Variants in CAB39 observed in about 807,000 individuals in gnomAD.
The protein encoded by CAB39 is calcium-binding protein 39.
CAB39 carries 8 observed loss-of-function variants against 40.0 expected under a neutral mutation model. The observed-to-expected ratio is 0.20, with a 90% CI of 0.12 to 0.36. The LOEUF (loss-of-function observed/expected upper bound fraction) is 0.36. Ranked by LOEUF, CAB39 falls within the 10% of genes least tolerant of loss-of-function variation. The probability of loss-of-function intolerance (pLI) is 1.00; values close to 1 mark genes in which losing one functional copy is unlikely to be tolerated. For missense variants in CAB39, 270 were observed against 401.1 expected (o/e 0.67, Z 2.79); for synonymous variants, 156 against 141.6 (o/e 1.10, Z -0.72).
At chr2:230,759,722 T>C (rs1695256381) in intron 1 of CAB39, among the ~76,000 whole-genome samples, 1 of 152,144 alleles carries the variant, frequency 6.6e-6, no homozygotes, top group Non-Finnish European at 1.5e-5. Flanking sequence ...AGGAGAGCAA[T>C]TGATTTGAAG....
chr2:230,792,216 T>A (rs1422121437), intron 3 of CAB39, among the ~76,000 whole-genome samples: 11 of 152,200 alleles, frequency 7.2e-5, no homozygotes, highest in Non-Finnish European at 1.5e-4. Flanking sequence ...CAGCAACAAT[T>A]TGTATTTCCT....
In CAB39 at chr2:230,782,809, C is replaced by CTTTTTTTTTT. The variant is rs1408052300; in HGVS notation, c.115-8060_115-8059insTTTTTTTTTT. On this transcript the variant is annotated intron_variant, in intron 2 of 8. Transcript: ENST00000258418. ...CTGCTGTTTCTTTCTTTCTTTCTTT[C>CTTTTTTTTTT]TTTCTTTTTTTTTTTTTTTTTTTGA... Among the ~76,000 whole-genome samples, 928 of 112,044 alleles carry CTTTTTTTTTT rather than the reference C, an allele frequency of 8.3e-3. 32 individuals are homozygous for CTTTTTTTTTT. The highest frequency in any genetic ancestry group is 0.012 in the Non-Finnish European group (692 of 57,886). The allele number at this position is 112,044 out of a possible 152,430, so 73.5% of individuals were successfully genotyped here. A position where few individuals can be genotyped will look rare whatever the true frequency, so the allele number is the denominator to read the frequency against.
chr2:230,773,070 A>G (rs1695516279), intron 2 of CAB39, among the ~76,000 whole-genome samples: 1 of 152,080 alleles, frequency 6.6e-6, no homozygotes, highest in African/African-American at 2.4e-5. Context: ...AAGCCAGACT[A>G]TAAAGAGCAC....
chr2:230,817,471 T>C (rs1330949981), intron 7 of CAB39, among the ~76,000 whole-genome samples: 2 of 152,140 alleles, frequency 1.3e-5, no homozygotes, highest in Non-Finnish European at 2.9e-5. Flanking sequence ...AGGGGAGGCT[T>C]TGAGAGTCTC....
rs780927020 is a variant in CAB39 at position 230,771,316 on chromosome 2, G to GA, written c.114+11208dup. Among the ~76,000 whole-genome samples, 13 of 151,040 alleles carry GA rather than the reference G, an allele frequency of 8.6e-5. No individual in the cohort carries two copies. In the East Asian group the frequency reaches 1.9e-3, roughly 23 times the overall value. ...TAGGTGTAATTGGGAAAAAAGAATG[G>GA]AAAAAAAGAAAAAGAAAAAAACTAG... On this transcript the variant is annotated intron_variant, in intron 2 of 8. Coordinates refer to ENST00000258418, the MANE Select transcript of CAB39 (RefSeq NM_016289.4).
intron 1 of CAB39, among the ~76,000 whole-genome samples, chr2:230,728,358 A>C (rs1338392944): frequency 1.3e-5 from 2 of 152,046 alleles, no homozygotes; most frequent in African/African-American, 4.8e-5. Flanking sequence ...CTATATTCCA[A>C]ATTTATCTTT....
At chr2:230,726,242 A>G (rs948660354) in intron 1 of CAB39, among the ~76,000 whole-genome samples, 1 of 151,964 alleles carries the variant, frequency 6.6e-6, no homozygotes, top group Admixed American at 6.6e-5. Flanking sequence ...GGCTCACTGC[A>G]ACCTCTGCCT....
intron 2 of CAB39, among the ~76,000 whole-genome samples, chr2:230,773,278 A>G (rs931761398): frequency 7.6e-5 from 11 of 144,376 alleles, no homozygotes; most frequent in African/African-American, 1.1e-4. Flanking sequence ...CACTATCTTG[A>G]TGGTTTCATG....
chr2:230,814,518 C>T (rs903745417), intron 7 of CAB39, among the ~76,000 whole-genome samples: 20 of 152,080 alleles, frequency 1.3e-4, no homozygotes, highest in African/African-American at 4.3e-4. Flanking sequence ...CGTAGACAGG[C>T]TTGGCTGCTT....
At chr2:230,720,268 T>C (rs1015460654) in intron 1 of CAB39, among the ~76,000 whole-genome samples, 2 of 152,210 alleles carry the variant, frequency 1.3e-5, no homozygotes, top group African/African-American at 4.8e-5. Flanking sequence ...ATGCTTTGGC[T>C]GTGGTTGGTA....
chr2:230,761,466 T>A (rs926822132), intron 2 of CAB39, among the ~76,000 whole-genome samples: 1 of 152,210 alleles, frequency 6.6e-6, no homozygotes, highest in Admixed American at 6.5e-5. Context: ...TCAGGGTAAC[T>A]AAGCAGCATA....
chr2:230,725,187 G>GC (rs1167807941), intron 1 of CAB39: 1 of 1,610,458 alleles, frequency 6.2e-7, no homozygotes. Flanking sequence ...TCCCGGGACT[G>GC]CTTGGCGCTG....
intron 2 of CAB39, among the ~76,000 whole-genome samples, chr2:230,763,444 T>A (rs1695329641): frequency 6.6e-6 from 1 of 151,962 alleles, no homozygotes; most frequent in Admixed American, 6.6e-5. Flanking sequence ...ATACAAAAAT[T>A]AGCCAGGCAC....
At chr2:230,725,468 T>G in intron 1 of CAB39, 1 of 1,319,348 alleles carries the variant, frequency 7.6e-7, no homozygotes, top group East Asian at 2.4e-5. Flanking sequence ...CGGCCACTCC[T>G]GCGGATACCT....
At chr2:230,742,973 T>C (rs1694909545) in intron 1 of CAB39, among the ~76,000 whole-genome samples, 1 of 152,194 alleles carries the variant, frequency 6.6e-6, no homozygotes, top group South Asian at 2.1e-4. Context: ...CTCAGAATCT[T>C]CCTTGGCTGC....
rs561900584 is a variant in CAB39, at chr2:230,819,571, G to C, written c.*867G>C. The C allele has an allele frequency of 5.9e-5, 9 of 152,652 alleles. No homozygotes were observed. The highest frequency in any genetic ancestry group is 5.9e-4 in the Admixed American group (9 of 15,290). 9.5% of individuals were successfully genotyped at this position (152,652 alleles called of 1,614,324 possible). A position where few individuals can be genotyped will look rare whatever the true frequency, so the allele number is the denominator to read the frequency against. On this transcript the variant is annotated 3_prime_UTR_variant, in exon 9 of 9. Transcript: ENST00000258418. ...GTATGTAACTATTACCTAATACTGA[G>C]TTTTTGCAAAAAACAATGAATGCTC...
At chr2:230,731,586 T>A (rs1694689637) in intron 1 of CAB39, among the ~76,000 whole-genome samples, 1 of 152,196 alleles carries the variant, frequency 6.6e-6, no homozygotes, top group Non-Finnish European at 1.5e-5. Flanking sequence ...CACTGTAGCC[T>A]CAAACGTCAG....
At chr2:230,754,208 A>C (rs1695139890) in intron 1 of CAB39, among the ~76,000 whole-genome samples, 1 of 152,098 alleles carries the variant, frequency 6.6e-6, no homozygotes, top group Admixed American at 6.5e-5. Context: ...TGGTTACATA[A>C]GTTCTTTAGT....
chr2:230,810,571 G>A lies in CAB39; in HGVS notation c.627+249G>A, dbSNP rs892509258. On this transcript the variant is annotated intron_variant, in intron 6 of 8. Coordinates refer to ENST00000258418, the MANE Select transcript of CAB39 (RefSeq NM_016289.4). ...AAAGAGGAAAATAGAGCATTTTGCT[G>A]CTAAAATGATAGTAAAGATAGTAGG... is the stretch of plus-strand genomic sequence containing the variant. 7.2e-5 allele frequency among the ~76,000 whole-genome samples: 11 copies of A among 152,216 alleles called. 1 individual carries two copies. Among genetic ancestry groups the A allele is most frequent in the African/African-American group, 2.7e-4 (11 of 41,454 alleles).
Sources: allele counts gnomAD v4.1 joint callset (sites outside exome capture counted in the v4.1 genomes callset), GRCh38; gene constraint gnomAD v4.1.1; transcripts MANE v1.5; gene names NCBI Gene and HGNC (gene_info 2026-07-23, HGNC 2026-07-21).